Variants in TAOK3 observed in about 807,000 individuals in gnomAD.
TAOK3 encodes serine/threonine-protein kinase TAO3.
TAOK3 carries 40 observed loss-of-function variants against 120.4 expected under a neutral mutation model. The observed-to-expected ratio is 0.33, with a 90% CI of 0.26 to 0.43. The LOEUF (loss-of-function observed/expected upper bound fraction) is 0.43, where lower values mean the gene tolerates loss of function less well. Ranked by LOEUF, TAOK3 falls within the 20% of genes least tolerant of loss-of-function variation. TAOK3 has a pLI of 1.00. For missense variants in TAOK3, 821 were observed against 1,112.1 expected (o/e 0.74, Z 3.72); for synonymous variants, 355 against 387.5 (o/e 0.92, Z 0.99).
chr12:118,244,980 T>C lies in TAOK3; in HGVS notation c.121-15A>G, dbSNP rs1041475428. ...GCATTTGTAGCCTGTGTTAAGAGGG[T>C]AGAAGAAAAAGAAAAAGAATTAGTG... is the stretch of plus-strand genomic sequence containing the variant. On this transcript the variant is annotated splice_polypyrimidine_tract_variant and intron_variant, in intron 3 of 20. Coordinates refer to ENST00000392533, the MANE Select transcript of TAOK3 (RefSeq NM_016281.4). 1.3e-6 allele frequency: 2 copies of C among 1,572,162 alleles called. No homozygotes were observed. Among genetic ancestry groups the C allele is most frequent in the Admixed American group, 1.8e-5 (1 of 56,976 alleles).
In TAOK3 at chr12:118,172,391, G is replaced by C. The variant is rs2036049767; in HGVS notation, c.1899+66C>G. On this transcript the variant is annotated intron_variant, in intron 17 of 20. Coordinates refer to ENST00000392533, the MANE Select transcript of TAOK3 (RefSeq NM_016281.4). ...TATAGGAATGGACCAGGCAGACATG[G>C]TCACAAGCCTCACATAGCATATTGT... The C allele has an allele frequency of 3.9e-6, 6 of 1,540,172 alleles. No homozygotes were observed. In the Admixed American group the frequency reaches 1.0e-4, roughly 26 times the overall value.
chr12:118,221,792 G>A (rs1450801414), intron 9 of TAOK3, among the ~76,000 whole-genome samples: 2 of 151,550 alleles, frequency 1.3e-5, no homozygotes, highest in Non-Finnish European at 2.9e-5. Context: ...CCGCCACCAC[G>A]CCCGGCTAAT....
chr12:118,364,143 CA>C (rs2045682845), intron 1 of TAOK3, among the ~76,000 whole-genome samples: 1 of 151,870 alleles, frequency 6.6e-6, no homozygotes, highest in Admixed American at 6.6e-5. Context: ...TCTCAAAAAA[CA>C]AACAAACAAA....
At chr12:118,337,774 G>C (rs2044427016) in intron 1 of TAOK3, among the ~76,000 whole-genome samples, 1 of 152,208 alleles carries the variant, frequency 6.6e-6, no homozygotes, top group Non-Finnish European at 1.5e-5. Context: ...GTGGAAGGGG[G>C]ATGGGAGGGA....
In TAOK3 at chr12:118,170,062, A is replaced by T. The variant is rs116732930; in HGVS notation, c.1899+2395T>A. Reference sequence around the variant, plus strand: ...ATATGTCAAGTCCTGTTTACTTTAAACTTCAAATGGTGTTTTGAATCTACT... The same window carrying T: ...ATATGTCAAGTCCTGTTTACTTTAATCTTCAAATGGTGTTTTGAATCTACT... On this transcript the variant is annotated intron_variant, in intron 17 of 20. Transcript: ENST00000392533. Among the ~76,000 whole-genome samples, 1,315 of 152,086 alleles carry T rather than the reference A, an allele frequency of 8.6e-3. 12 individuals carry two copies. The highest frequency in any genetic ancestry group is 0.029 in the African/African-American group (1,211 of 41,468).
intron 1 of TAOK3, among the ~76,000 whole-genome samples, chr12:118,304,478 T>C (rs1642984634): frequency 6.6e-6 from 1 of 152,216 alleles, no homozygotes; most frequent in African/African-American, 2.4e-5. Context: ...CTTCGTATGA[T>C]AACTTGATTA....
At chr12:118,239,720 C>T (rs1229998155) in intron 5 of TAOK3, among the ~76,000 whole-genome samples, 1 of 152,016 alleles carries the variant, frequency 6.6e-6, no homozygotes, top group East Asian at 1.9e-4. Flanking sequence ...CTTTTTTTCA[C>T]ACTTTAAAAA....
In TAOK3 at chr12:118,347,903, C is replaced by G. The variant is rs530278875; in HGVS notation, c.-194+24745G>C. ...TTCTTCCTTTAAGTCATTCTACAAA[C>G]TATTGATAGAGTAATCTTTCAAAGG... On this transcript the variant is annotated intron_variant, in intron 1 of 20. Transcript: ENST00000392533. Among the ~76,000 whole-genome samples the G allele has an allele frequency of 4.6e-5, 7 of 152,338 alleles. No individual in the cohort carries two copies. The East Asian group carries it at 1.4e-3, about 29-fold the overall frequency.
intron 1 of TAOK3, among the ~76,000 whole-genome samples, chr12:118,318,007 A>T (rs2043541607): frequency 6.6e-6 from 1 of 152,164 alleles, no homozygotes; most frequent in African/African-American, 2.4e-5. Context: ...GTGCCAAGAC[A>T]ACAGGGAAAG....
intron 9 of TAOK3, among the ~76,000 whole-genome samples, chr12:118,226,098 G>A (rs1742478998): frequency 6.6e-6 from 1 of 152,262 alleles, no homozygotes; most frequent in Non-Finnish European, 1.5e-5. Context: ...AAATTAGGCC[G>A]GGTGCGGTGG....
Position 118,150,509 on chromosome 12 carries a change from A to G in TAOK3, c.*488T>C, listed in dbSNP as rs1238699781. 6.6e-6 allele frequency: 1 copy of G among 152,574 alleles called. No homozygotes were observed. The highest frequency in any genetic ancestry group is 1.5e-5 in the Non-Finnish European group (1 of 68,096). 9.5% of individuals were successfully genotyped at this position (152,574 alleles called of 1,614,324 possible). Reference sequence around the variant, plus strand: ...TTTTTATTCCTGATGAATAAATACCAAAAAAATAAAATAAAATAAAATAAT... The same window carrying G: ...TTTTTATTCCTGATGAATAAATACCGAAAAAATAAAATAAAATAAAATAAT... On this transcript the variant is annotated 3_prime_UTR_variant, in exon 21 of 21. Transcript: ENST00000392533.
In TAOK3 at chr12:118,364,246, C is replaced by T. The variant is rs115601643; in HGVS notation, c.-194+8402G>A. 6.6e-3 allele frequency among the ~76,000 whole-genome samples: 1,001 copies of T among 152,128 alleles called. 11 individuals are homozygous for T. Among genetic ancestry groups the T allele is most frequent in the African/African-American group, 0.023 (959 of 41,490 alleles). On this transcript the variant is annotated intron_variant, in intron 1 of 20. Transcript: ENST00000392533. ...AACATGTGAGTGTCAAAATCAGAGC[C>T]GTACTTTAGGGAGAATAAAAGAGTA...
chr12:118,293,519 T>A (rs2042559854), intron 1 of TAOK3, among the ~76,000 whole-genome samples: 1 of 148,988 alleles, frequency 6.7e-6, no homozygotes, highest in African/African-American at 2.5e-5. Flanking sequence ...CTAAAAAAAA[T>A]AAAAAATTAG....
At position 118,150,912 on chromosome 12, in the gene TAOK3, A is replaced by C. The variant is rs1256947959; in HGVS notation, c.*85T>G. The stretch of plus-strand genomic sequence containing the variant: ...AGAGAGTGAGAGCAACGCCCGTTAA[A>C]ATGGGGAATGTGGTTTTGCAGGGTC... On this transcript the variant is annotated 3_prime_UTR_variant, in exon 21 of 21. Transcript: ENST00000392533. 2 of 1,345,290 alleles carry C rather than the reference A, an allele frequency of 1.5e-6. No homozygotes were observed. The highest frequency in any genetic ancestry group is 1.5e-5 in the African/African-American group (1 of 67,820). The allele number at this position is 1,345,290 out of a possible 1,614,324, so 83.3% of individuals were successfully genotyped here.
intron 1 of TAOK3, among the ~76,000 whole-genome samples, chr12:118,316,048 T>C (rs1324414891): frequency 6.6e-6 from 1 of 152,166 alleles, no homozygotes; most frequent in Non-Finnish European, 1.5e-5. Context: ...AAGGGGAATG[T>C]AATGAGACAT....
At chr12:118,270,288 G>A (rs2041642657) in intron 1 of TAOK3, among the ~76,000 whole-genome samples, 1 of 152,010 alleles carries the variant, frequency 6.6e-6, no homozygotes, top group Admixed American at 6.6e-5. Flanking sequence ...GCATTCATAT[G>A]CTCTCTCCTT....
intron 1 of TAOK3, among the ~76,000 whole-genome samples, chr12:118,335,987 T>C (rs549424841): frequency 1.3e-5 from 2 of 152,286 alleles, no homozygotes; most frequent in East Asian, 3.9e-4. Flanking sequence ...ATTCACAGAT[T>C]GAAAGACTCA....
At position 118,283,234 on chromosome 12, in the gene TAOK3, G is replaced by A. The variant is rs548425774; in HGVS notation, c.-193-16475C>T. Reference sequence around the variant, plus strand: ...CTGCTATACTTAAGATATTGTGTTAGGTGCTGAAAGATATATAACACATAA... The same window carrying A: ...CTGCTATACTTAAGATATTGTGTTAAGTGCTGAAAGATATATAACACATAA... On this transcript the variant is annotated intron_variant, in intron 1 of 20. Coordinates refer to ENST00000392533, the MANE Select transcript of TAOK3 (RefSeq NM_016281.4). Among the ~76,000 whole-genome samples the A allele has an allele frequency of 2.0e-5, 3 of 152,234 alleles. No homozygotes were observed. In the East Asian group the frequency reaches 5.8e-4, roughly 29 times the overall value.
At chr12:118,212,833 G>A in intron 11 of TAOK3, 81 bp downstream of exon 11, 3 of 966,624 alleles carry the variant, frequency 3.1e-6, no homozygotes, top group Non-Finnish European at 4.7e-6. Flanking sequence ...GTCATGATGA[G>A]CTGCCACAGG....
Sources: allele counts gnomAD v4.1 joint callset (sites outside exome capture counted in the v4.1 genomes callset), GRCh38; gene constraint gnomAD v4.1.1; transcripts MANE v1.5; gene names NCBI Gene and HGNC (gene_info 2026-07-23, HGNC 2026-07-21).